FAM120C: variants seen among roughly 807,000 people sequenced by gnomAD.
FAM120C encodes the protein constitutive coactivator of PPAR-gamma-like protein 2.
In FAM120C, 14 loss-of-function variants were observed where a neutral mutation model predicts 71.2. The observed-to-expected ratio is 0.20, with a 90% CI of 0.13 to 0.31. FAM120C has a LOEUF of 0.31. Among genes scored for constraint, FAM120C ranks in the 10% least tolerant of loss-of-function variants. The pLI, the probability that FAM120C is intolerant of heterozygous loss-of-function variation, is 1.00. For synonymous variants in FAM120C, 354 were observed against 353.2 expected (o/e 1.00, Z -0.03); for missense variants, 500 against 879.0 (o/e 0.57, Z 5.45).
chrX:54,172,421 G>A (rs1210095360), intron 1 of FAM120C, among the ~76,000 whole-genome samples: 1 of 112,424 alleles, frequency 8.9e-6, no homozygotes, highest in Non-Finnish European at 1.9e-5. Context: ...GAAGCTTTTA[G>A]CAGAAATAGC....
At position 54,173,279 on chromosome X, in the gene FAM120C, G is replaced by T. The variant is rs782504582; in HGVS notation, c.699+9221C>A. Among the ~76,000 whole-genome samples the T allele has an allele frequency of 5.0e-4, 56 of 111,469 alleles. 1 individual carries two copies. Among genetic ancestry groups the T allele is most frequent in the Admixed American group, 3.8e-4 (4 of 10,516 alleles). On this transcript the variant is annotated intron_variant, in intron 1 of 15. Coordinates refer to ENST00000375180, the MANE Select transcript of FAM120C (RefSeq NM_017848.6). ...TTTCTTTTTTTTGAGACGGAGTTTC[G>T]CTCTTATTGCCCAGGCTGGAGTGCA...
chrX:54,089,309 A>T (rs1398084353), intron 11 of FAM120C, among the ~76,000 whole-genome samples: 3 of 111,979 alleles, frequency 2.7e-5, no homozygotes, highest in African/African-American at 9.7e-5. Context: ...TAAAAAATGT[A>T]TGACAGAAGA....
At chrX:54,108,676 A>T (rs1303007141) in intron 10 of FAM120C, among the ~76,000 whole-genome samples, 4 of 111,466 alleles carry the variant, frequency 3.6e-5, no homozygotes, top group Non-Finnish European at 7.5e-5. Context: ...CACGCCTGTA[A>T]TCCCAGCACT....
At position 54,135,590 on chromosome X, in the gene FAM120C, T is replaced by C; in HGVS notation, c.1273A>G (p.Arg425Gly). The C allele has an allele frequency of 8.3e-7, 1 of 1,209,403 alleles. No homozygotes were observed. Among genetic ancestry groups the C allele is most frequent in the South Asian group, 1.8e-5 (1 of 56,556 alleles). ...CGTGGAAGGGGAGGATTTCCAAGCC[T>C]ATTATTCCGAAAACCTGAAGCCAAG... Reference protein sequence around the residue: ...GPSFLGFRNNRLGNPPLPRNQ... With the variant: ...GPSFLGFRNNGLGNPPLPRNQ... Residue 425 changes from arginine (R) to glycine (G), a missense_variant, in exon 6 of 16, where the codon AGG becomes GGG. By Grantham distance (125) the Arg-to-Gly change is moderately radical. Coordinates refer to ENST00000375180, the MANE Select transcript of FAM120C (RefSeq NM_017848.6).
chrX:54,097,949 A>G (rs1397367470), intron 10 of FAM120C, among the ~76,000 whole-genome samples: 1 of 109,384 alleles, frequency 9.1e-6, no homozygotes, highest in African/African-American at 3.3e-5. Context: ...GATGGTCTCG[A>G]TCTCCTGGCC....
chrX:54,144,538 C>T (rs1326541294), intron 4 of FAM120C, among the ~76,000 whole-genome samples: 6 of 111,208 alleles, frequency 5.4e-5, no homozygotes, highest in Non-Finnish European at 7.5e-5. Flanking sequence ...ACCAGAGAGC[C>T]AAATCATGAG....
At chrX:54,145,730 A>T (rs1557132293) in intron 4 of FAM120C, among the ~76,000 whole-genome samples, 1 of 112,160 alleles carries the variant, frequency 8.9e-6, no homozygotes, top group Non-Finnish European at 1.9e-5. Context: ...TAGTTCAACC[A>T]TTGTGGAAGA....
intron 10 of FAM120C, among the ~76,000 whole-genome samples, chrX:54,092,156 T>C (rs1405486991): frequency 8.9e-6 from 1 of 111,741 alleles, no homozygotes; most frequent in Non-Finnish European, 1.9e-5. Flanking sequence ...TTTCTGAGCC[T>C]TGCATTTCCT....
chrX:54,164,238 T>C (rs1419731967), intron 1 of FAM120C, among the ~76,000 whole-genome samples: 1 of 112,114 alleles, frequency 8.9e-6, no homozygotes, highest in African/African-American at 3.2e-5. Context: ...GGCCTTTTTA[T>C]GGTATTTTAA....
At chrX:54,129,312 C>T (rs1475421767) in intron 9 of FAM120C, among the ~76,000 whole-genome samples, 1 of 107,581 alleles carries the variant, frequency 9.3e-6, no homozygotes, top group African/African-American at 3.4e-5. Flanking sequence ...GACGGGCGGC[C>T]GGGCAGAGAC....
At chrX:54,128,648 C>T (rs1172211114) in intron 9 of FAM120C, among the ~76,000 whole-genome samples, 3 of 111,240 alleles carry the variant, frequency 2.7e-5, no homozygotes, top group Non-Finnish European at 5.7e-5. Context: ...TCCCTGGGTA[C>T]TTGAGATTAG....
At position 54,134,899 on chromosome X, in the gene FAM120C, A is replaced by G; in HGVS notation, c.1548T>C (p.Pro516=). The G allele has an allele frequency of 2.5e-6, 3 of 1,211,465 alleles. No individual in the cohort carries two copies. Among genetic ancestry groups the G allele is most frequent in the Non-Finnish European group, 3.4e-6 (3 of 895,403 alleles). Residue 516 remains proline (P), a synonymous_variant, in exon 7 of 16, where the codon CCT becomes CCC. Coordinates refer to ENST00000375180, the MANE Select transcript of FAM120C (RefSeq NM_017848.6). ...AGTGGGAAGAGTCTGGTCCCAAAGG[A>G]GGTGAGGCTTTAGAAGGCAGGTAAT... ...FPNYLPSKAS[P]PLGPDSSHSS... is the part of the protein sequence containing the mutation.
rs782741031 is a variant in FAM120C, at chrX:54,073,049, T to C, written c.3275A>G (p.Gln1092Arg). 3 of 1,204,718 alleles carry C rather than the reference T, an allele frequency of 2.5e-6. No individual in the cohort carries two copies. In the East Asian group the frequency reaches 8.9e-5, roughly 36 times the overall value. The change falls in exon 16 of 16, where the codon CAA (glutamine) becomes CGA (arginine). Residue 1092 changes from glutamine (Q) to arginine (R), a missense_variant. Gln to Arg is a conservative substitution (Grantham distance 43). Around this residue, in one of 11 missense-constraint regions of FAM120C, gnomAD observed 85 missense variants for 96.1 expected, o/e 0.88. Transcript: ENST00000375180. ...TTCAGCTTATCAGTCCTCTTTCCGT[T>C]GTGCCACAGTTTCTAGCTTTTGCTC... ...LQEQKLETVA[Q>R]RKED is the part of the protein sequence containing the mutation.
chrX:54,174,258 T>C, intron 1 of FAM120C: 2 of 491,106 alleles, frequency 4.1e-6, no homozygotes, highest in Admixed American at 5.4e-5. Context: ...ATCCCATCAC[T>C]TTTGTTGTAG....
At chrX:54,163,884 TTGTGTGTGTGTG>T (rs782142864) in intron 1 of FAM120C, among the ~76,000 whole-genome samples, 1 of 102,989 alleles carries the variant, frequency 9.7e-6, no homozygotes, top group African/African-American at 3.6e-5. Context: ...CCTTTTTATG[TTGTGTGTGTGTG>T]TGTGTGTGTG....
At position 54,131,350 on chromosome X, in the gene FAM120C, C is replaced by T. The variant is rs373247591; in HGVS notation, c.2062+1342G>A. On this transcript the variant is annotated intron_variant, in intron 9 of 15. Coordinates refer to ENST00000375180, the MANE Select transcript of FAM120C (RefSeq NM_017848.6). The stretch of plus-strand genomic sequence containing the variant: ...GTGGCGCGATCACAGCTCACTGCAG[C>T]CTCAACCTCCCAGGGTCAAGCAATC... 4.5e-5 allele frequency among the ~76,000 whole-genome samples: 5 copies of T among 110,201 alleles called. No individual in the cohort carries two copies. In the East Asian group the frequency reaches 1.2e-3, roughly 26 times the overall value.
At position 54,097,186 on chromosome X, in the gene FAM120C, C is replaced by T. The variant is rs1312506957; in HGVS notation, c.2313-5760G>A. 5.4e-5 allele frequency among the ~76,000 whole-genome samples: 6 copies of T among 112,043 alleles called. No homozygotes were observed. The East Asian group carries it at 1.4e-3, about 26-fold the overall frequency. ...TCAGAATTTGAGCTAAGTGATGCAGCGACTTTATACAACACATGCAGAAAG... is the reference window on the plus strand; with the variant it reads ...TCAGAATTTGAGCTAAGTGATGCAGTGACTTTATACAACACATGCAGAAAG... On this transcript the variant is annotated intron_variant, in intron 10 of 15. Coordinates refer to ENST00000375180, the MANE Select transcript of FAM120C (RefSeq NM_017848.6).
At chrX:54,163,058 G>A (rs1480378998) in intron 1 of FAM120C, among the ~76,000 whole-genome samples, 2 of 111,953 alleles carry the variant, frequency 1.8e-5, no homozygotes, top group East Asian at 2.8e-4. Flanking sequence ...TGGAATCCTC[G>A]TAAATTGCTA....
At chrX:54,159,658 T>C (rs782634956) in intron 1 of FAM120C, 42 bp from the exon 2 acceptor site, 1 of 1,195,388 alleles carries the variant, frequency 8.4e-7, no homozygotes, top group Admixed American at 2.2e-5. Flanking sequence ...CAGAACCTGA[T>C]TTGTATTGTT....
Sources: gnomAD v4.1 joint callset for allele counts (sites outside exome capture counted in the v4.1 genomes callset) on GRCh38, gnomAD v4.1.1 for gene constraint, gnomAD v4.1.1 regional missense constraint, MANE v1.5 for transcripts, NCBI Gene and HGNC (gene_info 2026-07-23, HGNC 2026-07-21) for gene names.